The following SHROOM2 variants were observed in gnomAD, a reference collection of about 807,000 sequenced individuals.
SHROOM2 encodes the protein protein Shroom2.
In SHROOM2, 33 loss-of-function variants were observed where a neutral mutation model predicts 75.9. That is an observed-to-expected ratio of 0.43 (90% CI 0.33 to 0.58). The LOEUF (loss-of-function observed/expected upper bound fraction) is 0.58, where lower values mean the gene tolerates loss of function less well. Ranked by LOEUF, SHROOM2 falls within the 20% of genes least tolerant of loss-of-function variation. SHROOM2 has a pLI of 0.04. For missense variants in SHROOM2, 1,434 were observed against 1,461.2 expected, an observed-to-expected ratio of 0.98 and a Z score of 0.30; for synonymous variants, 655 against 663.6, an observed-to-expected ratio of 0.99 and a Z score of 0.20.
rs1601914847 is a variant in SHROOM2, at chrX:9,804,761, C to G, written c.165+18051C>G. 4.5e-5 allele frequency among the ~76,000 whole-genome samples: 5 copies of G among 111,660 alleles called. 1 individual carries two copies. The Admixed American group carries it at 4.8e-4, about 11-fold the overall frequency. ...AACCAGGGTTTCCTTTTACTTTACC[C>G]TCACCAGCACTGCCCAGTCTGGAGC... is the stretch of plus-strand genomic sequence containing the variant. On this transcript the variant is annotated intron_variant, in intron 1 of 9. Coordinates refer to ENST00000380913, the MANE Select transcript of SHROOM2 (RefSeq NM_001649.4).
Position 9,837,973 on chromosome X carries a change from G to A in SHROOM2, c.166-35679G>A, listed in dbSNP as rs753904568. On this transcript the variant is annotated intron_variant, in intron 1 of 9. Transcript: ENST00000380913. ...TTAGTCAGCAGAACAGCTGGAATTG[G>A]GTGGTCCTGGACATTTCCTTGGGAA... Among the ~76,000 whole-genome samples the A allele has an allele frequency of 1.2e-4, 13 of 110,692 alleles. No homozygotes were observed. In the South Asian group the frequency reaches 2.7e-3, roughly 23 times the overall value.
At chrX:9,938,734 A>G (rs1299082682) in intron 7 of SHROOM2, among the ~76,000 whole-genome samples, 1 of 111,642 alleles carries the variant, frequency 9.0e-6, no homozygotes, top group East Asian at 2.8e-4. Flanking sequence ...ATTCATGGGT[A>G]GGAAGGTGGA....
rs1206296608 is a variant in SHROOM2, at chrX:9,791,732, C to T, written c.165+5022C>T. Among the ~76,000 whole-genome samples the T allele has an allele frequency of 4.5e-5, 5 of 111,135 alleles. No individual in the cohort carries two copies. In the East Asian group the frequency reaches 1.1e-3, roughly 25 times the overall value. ...CCAGTGCCAGGCACGGTGGCTCACG[C>T]CTGTAATCCCAGCACTTTGGGAGGC... On this transcript the variant is annotated intron_variant, in intron 1 of 9. Coordinates refer to ENST00000380913, the MANE Select transcript of SHROOM2 (RefSeq NM_001649.4).
chrX:9,940,708 G>A (rs1486329290), intron 8 of SHROOM2, among the ~76,000 whole-genome samples: 6 of 112,609 alleles, frequency 5.3e-5, no homozygotes, highest in Non-Finnish European at 1.1e-4. Flanking sequence ...CCTGCAACGC[G>A]TGCACAGGCG....
chrX:9,857,176 G>T (rs1035290772), intron 1 of SHROOM2, among the ~76,000 whole-genome samples: 4 of 112,240 alleles, frequency 3.6e-5, no homozygotes, highest in African/African-American at 1.3e-4. Flanking sequence ...GTGAGGGAAC[G>T]TTGAGAACAC....
At chrX:9,825,798 G>C (rs2083884514) in intron 1 of SHROOM2, among the ~76,000 whole-genome samples, 1 of 112,338 alleles carries the variant, frequency 8.9e-6, no homozygotes, top group South Asian at 3.7e-4. Context: ...GTTTGACGCT[G>C]TCTGACCCTT....
intron 9 of SHROOM2, 131 bp downstream of exon 9, chrX:9,945,044 A>G: frequency 1.6e-6 from 1 of 621,639 alleles, no homozygotes; most frequent in Non-Finnish European, 2.5e-6. Flanking sequence ...CCTCCTGCAG[A>G]CCTTGTCGAG....
At chrX:9,809,281 C>T (rs1164028777) in intron 1 of SHROOM2, among the ~76,000 whole-genome samples, 1 of 111,344 alleles carries the variant, frequency 9.0e-6, no homozygotes, top group African/African-American at 3.3e-5. Context: ...AGGAAGCATC[C>T]AGCACGGGAG....
At chrX:9,791,759 G>A (rs958377939) in intron 1 of SHROOM2, among the ~76,000 whole-genome samples, 5 of 110,709 alleles carry the variant, frequency 4.5e-5, no homozygotes, top group South Asian at 3.8e-4. Flanking sequence ...TTGGGAGGCC[G>A]AGGCGAGTGA....
intron 8 of SHROOM2, among the ~76,000 whole-genome samples, chrX:9,943,707 A>G (rs1797769780): frequency 8.9e-6 from 1 of 111,915 alleles, no homozygotes. Flanking sequence ...GCTTTATGTT[A>G]CATATATTTT....
chrX:9,828,451 AG>A (rs2083899413), intron 1 of SHROOM2, among the ~76,000 whole-genome samples: 1 of 111,283 alleles, frequency 9.0e-6, no homozygotes, highest in Non-Finnish European at 1.9e-5. Context: ...CCAGGGAAGA[AG>A]TTATTGTTCT....
chrX:9,895,388 T>C lies in SHROOM2; in HGVS notation c.1480T>C (p.Cys494Arg). 8.3e-7 allele frequency: 1 copy of C among 1,203,074 alleles called. No individual in the cohort carries two copies. The highest frequency in any genetic ancestry group is 1.7e-5 in the African/African-American group (1 of 57,654). Reference protein sequence around the residue: ...DLQAAQLWAGCWPSDTALGAL... With the variant: ...DLQAAQLWAGRWPSDTALGAL... ...GCAAGCAGCACAGCTCTGGGCGGGA[T>C]GCTGGCCTTCTGACACAGCCCTTGG... Residue 494 changes from cysteine to arginine, a missense_variant, in exon 4 of 10, where the codon TGC becomes CGC. Coordinates refer to ENST00000380913, the MANE Select transcript of SHROOM2 (RefSeq NM_001649.4).
intron 5 of SHROOM2, among the ~76,000 whole-genome samples, chrX:9,927,820 TGA>T (rs1443871108): frequency 9.1e-6 from 1 of 110,169 alleles, no homozygotes; most frequent in Non-Finnish European, 1.9e-5. Context: ...TGGGATGATT[TGA>T]GAGAGTCCCC....
At chrX:9,809,666 G>T (rs1380101752) in intron 1 of SHROOM2, among the ~76,000 whole-genome samples, 2 of 112,403 alleles carry the variant, frequency 1.8e-5, no homozygotes. Context: ...ATGCTGATAT[G>T]AAGTCAATAA....
chrX:9,944,898 T>G lies in SHROOM2; in HGVS notation c.4569T>G (p.Ala1523=). Residue 1523 remains alanine (A), a synonymous_variant, in exon 9 of 10, where the codon GCT becomes GCG. Transcript: ENST00000380913. The part of the protein sequence containing the change: ...ENALNNLDDG[A]SPGDRQSLLE... ...CCCTCAATAATTTGGACGACGGCGC[T>G]TCTCCCGGTGATCGGGTAAATGCAG... 8.3e-7 allele frequency: 1 copy of G among 1,203,521 alleles called. No individual in the cohort carries two copies. Among genetic ancestry groups the G allele is most frequent in the Non-Finnish European group, 1.1e-6 (1 of 891,150 alleles).
At chrX:9,890,678 G>A (rs1170603597) in intron 2 of SHROOM2, among the ~76,000 whole-genome samples, 3 of 105,915 alleles carry the variant, frequency 2.8e-5, no homozygotes, top group African/African-American at 6.9e-5. Flanking sequence ...GCACGCGTGC[G>A]CTGCGTGCGG....
At chrX:9,798,296 G>A (rs1000853658) in intron 1 of SHROOM2, among the ~76,000 whole-genome samples, 2 of 111,937 alleles carry the variant, frequency 1.8e-5, no homozygotes, top group Admixed American at 1.9e-4. Context: ...AGATTCTGAA[G>A]CTGACGAAAT....
chrX:9,869,058 G>A (rs948644789), intron 1 of SHROOM2, among the ~76,000 whole-genome samples: 1 of 111,926 alleles, frequency 8.9e-6, no homozygotes, highest in African/African-American at 3.2e-5. Context: ...TCAGGAGCAA[G>A]CAATTCTCAT....
chrX:9,935,368 G>A (rs1420615740), intron 6 of SHROOM2, among the ~76,000 whole-genome samples: 1 of 107,795 alleles, frequency 9.3e-6, no homozygotes, highest in Non-Finnish European at 1.9e-5. Flanking sequence ...AGAGAGGTGG[G>A]GAGGTCTCAC....
Sources: allele counts gnomAD v4.1 joint callset (sites outside exome capture counted in the v4.1 genomes callset), GRCh38; gene constraint gnomAD v4.1.1; transcripts MANE v1.5; gene names NCBI Gene and HGNC (gene_info 2026-07-23, HGNC 2026-07-21).